MACROD2: variants seen among roughly 807,000 people sequenced by gnomAD.
The protein encoded by MACROD2 is ADP-ribose glycohydrolase MACROD2.
In MACROD2, 36 loss-of-function variants were observed where a neutral mutation model predicts 70.4. The ratio of observed to expected loss-of-function variants is 0.51; its 90% CI spans 0.39 to 0.68. The LOEUF is 0.68. Among genes scored for constraint, MACROD2 ranks in the 30% least tolerant of loss-of-function variants. The pLI is 0.00. For synonymous variants in MACROD2, 172 were observed against 178.8 expected (o/e 0.96, Z 0.30); for missense variants, 496 against 538.4 (o/e 0.92, Z 0.78).
chr20:13,995,917 C>T lies in MACROD2; in HGVS notation c.46+108C>T. ...CCTCCGCCCGAGCTCCCGCCTCGCG[C>T]CCTCCCGGCCGGTGCCGCCTCCCTC... On this transcript the variant is annotated intron_variant, in intron 1 of 17. Coordinates refer to ENST00000684519, the MANE Select transcript of MACROD2 (RefSeq NM_001351661.2). This position sits in a 1 kb window ranked among gnomAD's most constrained non-coding sequence, Gnocchi z 4.3. The T allele has an allele frequency of 2.2e-6, 3 of 1,334,008 alleles. No individual in the cohort carries two copies. Among genetic ancestry groups the T allele is most frequent in the East Asian group, 2.5e-5 (1 of 39,660 alleles). The allele number at this position is 1,334,008 out of a possible 1,614,324, so 82.6% of individuals were successfully genotyped here.
chr20:14,839,585 T>G (rs2122267085), intron 5 of MACROD2, among the ~76,000 whole-genome samples: 1 of 152,180 alleles, frequency 6.6e-6, no homozygotes, highest in African/African-American at 2.4e-5. Context: ...CCTAAGTAAT[T>G]TTTGCTCCAG....
rs188797369 is a variant in MACROD2 at position 14,669,311 on chromosome 20, C to T, written c.302-15532C>T. ...GCCAAAACAGATTATCTTTTGTATGCGTCAAGATTTTATATTTTTGCAAAT... is the reference window on the plus strand; with the variant it reads ...GCCAAAACAGATTATCTTTTGTATGTGTCAAGATTTTATATTTTTGCAAAT... On this transcript the variant is annotated intron_variant, in intron 4 of 17. Transcript: ENST00000684519. 2.6e-5 allele frequency among the ~76,000 whole-genome samples: 4 copies of T among 152,196 alleles called. No individual in the cohort carries two copies. In the East Asian group the frequency reaches 5.8e-4, roughly 22 times the overall value.
chr20:15,962,384 T>C (rs1225681440), intron 12 of MACROD2, among the ~76,000 whole-genome samples: 1 of 152,238 alleles, frequency 6.6e-6, no homozygotes, highest in Non-Finnish European at 1.5e-5. Flanking sequence ...GTAAAGTGCC[T>C]GAATTTCCCT....
At chr20:14,859,008 T>C (rs1346953155) in intron 5 of MACROD2, among the ~76,000 whole-genome samples, 1 of 152,120 alleles carries the variant, frequency 6.6e-6, no homozygotes, top group Non-Finnish European at 1.5e-5. Flanking sequence ...TGCAGTGCCA[T>C]CTAATAGGGC....
At chr20:14,548,436 TGGCCGGGCGCGG>T (rs1978420725) in intron 4 of MACROD2, among the ~76,000 whole-genome samples, 3 of 92,094 alleles carry the variant, frequency 3.3e-5, no homozygotes, top group Non-Finnish European at 4.9e-5. Context: ...ATACATTATC[TGGCCGGGCGCGG>T]TGGCTCACGC....
At chr20:14,209,353 T>C (rs2081551965) in intron 3 of MACROD2, among the ~76,000 whole-genome samples, 1 of 152,118 alleles carries the variant, frequency 6.6e-6, no homozygotes, top group Admixed American at 6.6e-5. Context: ...GGAGAAGAGT[T>C]TCAAGGCCTC....
intron 6 of MACROD2, among the ~76,000 whole-genome samples, chr20:15,246,236 A>G (rs1054994183): frequency 1.3e-5 from 2 of 152,186 alleles, no homozygotes; most frequent in Admixed American, 1.3e-4. Flanking sequence ...CATAGTGAAT[A>G]GGGTGCTCAT....
At chr20:15,162,264 G>GT in intron 5 of MACROD2, among the ~76,000 whole-genome samples, 1 of 152,032 alleles carries the variant, frequency 6.6e-6, no homozygotes, top group Non-Finnish European at 1.5e-5. Context: ...GGTAGGAGTG[G>GT]TAAGTAAGAG....
chr20:15,416,450 G>T (rs377028625), intron 6 of MACROD2, among the ~76,000 whole-genome samples: 2 of 152,042 alleles, frequency 1.3e-5, no homozygotes, highest in African/African-American at 4.8e-5. Context: ...TTACCTTTAC[G>T]TATTGAATCA....
Position 14,207,902 on chromosome 20 carries a change from A to G in MACROD2, c.271+122174A>G, listed in dbSNP as rs1010121721. ...GGTACATGTAGTGAGTCCTGGAGGAAGGAATTTTCAAATGCCAGCCAAGGT... is the reference window on the plus strand; with the variant it reads ...GGTACATGTAGTGAGTCCTGGAGGAGGGAATTTTCAAATGCCAGCCAAGGT... On this transcript the variant is annotated intron_variant, in intron 3 of 17. Transcript: ENST00000684519. Among the ~76,000 whole-genome samples, 3 of 152,250 alleles carry G rather than the reference A, an allele frequency of 2.0e-5. No individual in the cohort carries two copies. In the East Asian group the frequency reaches 5.8e-4, roughly 29 times the overall value.
At chr20:15,398,745 T>C (rs984802841) in intron 6 of MACROD2, among the ~76,000 whole-genome samples, 2 of 152,212 alleles carry the variant, frequency 1.3e-5, no homozygotes, top group African/African-American at 2.4e-5. Context: ...GCTGCTGCAG[T>C]TCCAGCAAGC....
At chr20:15,976,350 A>ATAAG (rs1555802855) in intron 13 of MACROD2, among the ~76,000 whole-genome samples, 2 of 152,372 alleles carry the variant, frequency 1.3e-5, no homozygotes, top group African/African-American at 4.8e-5. Context: ...GTCCCCTCCC[A>ATAAG]TAAGTATGGC....
intron 8 of MACROD2, among the ~76,000 whole-genome samples, chr20:15,612,450 A>G (rs2048982914): frequency 6.6e-6 from 1 of 152,212 alleles, no homozygotes; most frequent in Non-Finnish European, 1.5e-5. Context: ...AAGGCCTGCA[A>G]AATCATGGGC....
chr20:15,040,642 C>T (rs2075349045), intron 5 of MACROD2, among the ~76,000 whole-genome samples: 1 of 152,120 alleles, frequency 6.6e-6, no homozygotes, highest in Non-Finnish European at 1.5e-5. Flanking sequence ...TGCCAATTCC[C>T]CATGTCTACT....
At chr20:14,517,185 TGGG>T (rs1365178308) in intron 4 of MACROD2, among the ~76,000 whole-genome samples, 2 of 152,186 alleles carry the variant, frequency 1.3e-5, no homozygotes, top group African/African-American at 4.8e-5. Context: ...ATCCCATTAC[TGGG>T]TATATACCCA....
At chr20:16,001,482 A>G (rs1273488827) in intron 15 of MACROD2, among the ~76,000 whole-genome samples, 1 of 152,220 alleles carries the variant, frequency 6.6e-6, no homozygotes, top group African/African-American at 2.4e-5. Flanking sequence ...GTCGAGATGA[A>G]TCAGTCACGT....
chr20:14,127,508 C>T (rs903553161), intron 3 of MACROD2: 1 of 497,430 alleles, frequency 2.0e-6, no homozygotes, highest in African/African-American at 2.0e-5. Context: ...ATATCTTAAG[C>T]AGCAAGTTGC....
intron 6 of MACROD2, among the ~76,000 whole-genome samples, chr20:15,400,687 T>G (rs1438838196): frequency 6.6e-6 from 1 of 152,230 alleles, no homozygotes; most frequent in Non-Finnish European, 1.5e-5. Flanking sequence ...CTCCATTATT[T>G]TGAGATGCCA....
intron 5 of MACROD2, among the ~76,000 whole-genome samples, chr20:15,147,031 C>A (rs2076235082): frequency 6.6e-6 from 1 of 152,040 alleles, no homozygotes; most frequent in Non-Finnish European, 1.5e-5. Flanking sequence ...AACAGGATAA[C>A]CCTTGATTGG....
Sources: allele counts gnomAD v4.1 joint callset (sites outside exome capture counted in the v4.1 genomes callset), GRCh38; gene constraint gnomAD v4.1.1; non-coding constraint Gnocchi (gnomAD v3.1); transcripts MANE v1.5; gene names NCBI Gene and HGNC (gene_info 2026-07-23, HGNC 2026-07-21).